CCDC178: variants seen among roughly 807,000 people sequenced by gnomAD.
CCDC178 encodes the protein coiled-coil domain-containing protein 178.
Under a neutral mutation model 117.4 loss-of-function variants are expected in CCDC178, and 126 were observed. The observed-to-expected ratio is 1.07, with a 90% CI of 0.93 to 1.24. The LOEUF is 1.24. CCDC178 is among the 50% of genes most tolerant of loss of function. The pLI, the probability that CCDC178 is intolerant of heterozygous loss-of-function variation, is 0.00. For synonymous variants in CCDC178, 283 were observed against 313.4 expected (o/e 0.90, Z 1.02); for missense variants, 1,030 against 986.9 (o/e 1.04, Z -0.59).
intron 20 of CCDC178, among the ~76,000 whole-genome samples, chr18:33,140,247 G>T (rs1247565797): frequency 6.6e-6 from 1 of 152,122 alleles, no homozygotes; most frequent in Non-Finnish European, 1.5e-5. Flanking sequence ...TGGGGTCAGA[G>T]CCCCCACAAT....
chr18:33,309,914 TG>T (rs1358588613), intron 11 of CCDC178, among the ~76,000 whole-genome samples: 7 of 151,812 alleles, frequency 4.6e-5, no homozygotes, highest in Non-Finnish European at 8.8e-5. Flanking sequence ...ACAAAATGAT[TG>T]TTTTTTTTTT....
chr18:33,137,256 G>A (rs566832894), intron 20 of CCDC178, among the ~76,000 whole-genome samples: 23 of 152,184 alleles, frequency 1.5e-4, no homozygotes, highest in African/African-American at 5.5e-4. Context: ...ATTATGCATT[G>A]TCATTGTCAT....
intron 20 of CCDC178, among the ~76,000 whole-genome samples, chr18:33,204,264 T>A (rs985322552): frequency 2.6e-5 from 4 of 151,978 alleles, no homozygotes; most frequent in African/African-American, 4.8e-5. Context: ...AATGAAAAAT[T>A]ATTAATTTAA....
chr18:33,102,733 A>AGGGC (rs2057649052), intron 20 of CCDC178, among the ~76,000 whole-genome samples: 1 of 151,808 alleles, frequency 6.6e-6, no homozygotes, highest in Admixed American at 6.6e-5. Flanking sequence ...TTCTACAGAT[A>AGGGC]ACCATTTCGG....
At chr18:33,341,936 CA>C (rs1327922602) in intron 9 of CCDC178, among the ~76,000 whole-genome samples, 2 of 152,024 alleles carry the variant, frequency 1.3e-5, no homozygotes, top group African/African-American at 4.8e-5. Context: ...AAAAAAAACT[CA>C]GTAAATGACC....
chr18:33,393,798 T>C (rs1221947376), intron 4 of CCDC178, among the ~76,000 whole-genome samples: 1 of 152,100 alleles, frequency 6.6e-6, no homozygotes, highest in East Asian at 1.9e-4. Flanking sequence ...ATGAATGGTC[T>C]GGGATAATAG....
At chr18:33,126,997 A>AAAAAAT (rs71266914) in intron 20 of CCDC178, among the ~76,000 whole-genome samples, 3 of 141,186 alleles carry the variant, frequency 2.1e-5, no homozygotes, top group African/African-American at 8.1e-5. Flanking sequence ...AAAAAAAAAA[A>AAAAAAT]ATATATATAT....
intron 21 of CCDC178, among the ~76,000 whole-genome samples, chr18:33,055,313 C>T (rs187788085): frequency 1.1e-3 from 173 of 152,124 alleles, no homozygotes; most frequent in Non-Finnish European, 1.9e-3. Flanking sequence ...GAAAAAAAAT[C>T]TGATCTTATC....
At chr18:33,355,132 G>A (rs554949529) in intron 7 of CCDC178, among the ~76,000 whole-genome samples, 1 of 152,224 alleles carries the variant, frequency 6.6e-6, no homozygotes, top group East Asian at 1.9e-4. Context: ...AATGACCCAA[G>A]CTTTCTTTTC....
chr18:33,304,866 T>G (rs930457373), intron 11 of CCDC178, among the ~76,000 whole-genome samples: 11 of 152,208 alleles, frequency 7.2e-5, no homozygotes, highest in Admixed American at 7.2e-4. Flanking sequence ...AAGGCAGCGC[T>G]CAAGTTCAGG....
At chr18:33,334,154 C>T (rs2062709774) in intron 9 of CCDC178, among the ~76,000 whole-genome samples, 1 of 151,980 alleles carries the variant, frequency 6.6e-6, no homozygotes, top group Non-Finnish European at 1.5e-5. Context: ...TAACATAGTT[C>T]ATGTAAAAGT....
intron 20 of CCDC178, among the ~76,000 whole-genome samples, chr18:33,100,419 T>G (rs2057608080): frequency 6.6e-6 from 1 of 151,906 alleles, no homozygotes; most frequent in Non-Finnish European, 1.5e-5. Context: ...ACACACAATT[T>G]CATGGCAGAA....
chr18:33,056,496 A>AT (rs982909075), intron 21 of CCDC178, among the ~76,000 whole-genome samples: 1 of 152,178 alleles, frequency 6.6e-6, no homozygotes, highest in South Asian at 2.1e-4. Context: ...ATTAAAAATG[A>AT]TTTTTTATGG....
chr18:33,286,324 T>C (rs926703767), intron 12 of CCDC178, among the ~76,000 whole-genome samples: 3 of 152,174 alleles, frequency 2.0e-5, no homozygotes, highest in African/African-American at 4.8e-5. Flanking sequence ...ACAAAACACA[T>C]ATATGAATAC....
intron 15 of CCDC178, among the ~76,000 whole-genome samples, chr18:33,235,755 G>A (rs1432636770): frequency 6.6e-6 from 1 of 152,110 alleles, no homozygotes; most frequent in Non-Finnish European, 1.5e-5. Context: ...ACTGGTGAAA[G>A]CTCTCAAAAT....
chr18:33,172,259 A>T (rs148444016), intron 20 of CCDC178, among the ~76,000 whole-genome samples: 1 of 152,216 alleles, frequency 6.6e-6, no homozygotes, highest in Non-Finnish European at 1.5e-5. Context: ...CCTTTTTCTG[A>T]ATATACCTGT....
chr18:33,115,282 G>A, intron 20 of CCDC178, among the ~76,000 whole-genome samples: 1 of 152,016 alleles, frequency 6.6e-6, no homozygotes, highest in Non-Finnish European at 1.5e-5. Flanking sequence ...AAAATCTTTA[G>A]TATAATGGTA....
At chr18:32,938,402 G>A in intron 22 of CCDC178, 1 of 214,152 alleles carries the variant, frequency 4.7e-6, no homozygotes, top group East Asian at 9.9e-5. Context: ...AAAGATTTTA[G>A]GCAAATTTGT....
chr18:33,104,751 C>T (rs981372930), intron 20 of CCDC178, among the ~76,000 whole-genome samples: 3 of 151,634 alleles, frequency 2.0e-5, no homozygotes, highest in African/African-American at 7.3e-5. Flanking sequence ...TACATGGCTG[C>T]CTTCTTTTTG....
Sources: allele counts gnomAD v4.1 joint callset (sites outside exome capture counted in the v4.1 genomes callset), GRCh38; gene constraint gnomAD v4.1.1; transcripts MANE v1.5; gene names NCBI Gene and HGNC (gene_info 2026-07-23, HGNC 2026-07-21).